The following NAALADL2 variants were observed in gnomAD, a reference collection of about 807,000 sequenced individuals.
NAALADL2 encodes inactive N-acetylated-alpha-linked acidic dipeptidase-like protein 2.
In NAALADL2, 76 loss-of-function variants were observed where a neutral mutation model predicts 87.2. That is an observed-to-expected ratio of 0.87 (90% CI 0.72 to 1.05). The LOEUF (loss-of-function observed/expected upper bound fraction) is 1.05. NAALADL2 is among the 50% of genes least tolerant of loss of function. The pLI is 0.00. For missense variants in NAALADL2, 1,089 were observed against 945.8 expected (o/e 1.15, Z -1.99); for synonymous variants, 354 against 331.0 (o/e 1.07, Z -0.75).
intron 8 of NAALADL2, among the ~76,000 whole-genome samples, chr3:175,467,598 T>C (rs1724276336): frequency 6.6e-6 from 1 of 152,222 alleles, no homozygotes; most frequent in South Asian, 2.1e-4. Flanking sequence ...GCCTTAGCAT[T>C]ATATTTTCTC....
chr3:175,257,648 A>T (rs1371230930), intron 4 of NAALADL2, among the ~76,000 whole-genome samples: 1 of 152,192 alleles, frequency 6.6e-6, no homozygotes, highest in Non-Finnish European at 1.5e-5. Flanking sequence ...ACAAAATATT[A>T]GAAATGATAT....
chr3:174,972,323 CA>C (rs1743794872), intron 1 of NAALADL2, among the ~76,000 whole-genome samples: 1 of 152,164 alleles, frequency 6.6e-6, no homozygotes, highest in Non-Finnish European at 1.5e-5. Context: ...GCTGCCATAA[CA>C]AAAACCATTG....
intron 11 of NAALADL2, among the ~76,000 whole-genome samples, chr3:175,679,827 T>G (rs558167094): frequency 2.0e-5 from 3 of 152,220 alleles, no homozygotes; most frequent in African/African-American, 7.2e-5. Context: ...AGAGACTCAA[T>G]CTGAGCAAAA....
intron 9 of NAALADL2, among the ~76,000 whole-genome samples, chr3:175,504,563 G>GTT (rs1560667697): frequency 1.7e-5 from 1 of 59,720 alleles, no homozygotes; most frequent in South Asian, 5.6e-4. Flanking sequence ...GTCTCTCTCT[G>GTT]TTTCTCTCTC....
intron 3 of NAALADL2, among the ~76,000 whole-genome samples, chr3:174,812,511 A>C (rs1252163856): frequency 6.6e-6 from 1 of 152,226 alleles, no homozygotes; most frequent in Non-Finnish European, 1.5e-5. Flanking sequence ...TTAATATACT[A>C]TACTTTTTAT....
At chr3:175,167,202 G>A (rs1734128242) in intron 2 of NAALADL2, among the ~76,000 whole-genome samples, 2 of 152,016 alleles carry the variant, frequency 1.3e-5, no homozygotes, top group Non-Finnish European at 2.9e-5. Flanking sequence ...ATTGTAGCAG[G>A]AAAGCAGTCA....
chr3:175,533,996 G>A (rs192392238), intron 9 of NAALADL2, among the ~76,000 whole-genome samples: 230 of 149,834 alleles, frequency 1.5e-3, no homozygotes, highest in African/African-American at 5.6e-3. Context: ...TGCCTCTCAT[G>A]AGCAGTGAAT....
chr3:175,360,335 C>T (rs1310505740), intron 5 of NAALADL2, among the ~76,000 whole-genome samples: 1 of 152,064 alleles, frequency 6.6e-6, no homozygotes, highest in Admixed American at 6.6e-5. Flanking sequence ...TCTCTAAATG[C>T]CTACAAATAT....
rs996117560 is a variant in NAALADL2, at chr3:175,362,640, C to G, written c.1090+38315C>G. Among the ~76,000 whole-genome samples, 44 of 148,240 alleles carry G rather than the reference C, an allele frequency of 3.0e-4. 5 individuals are homozygous for G. Among genetic ancestry groups the G allele is most frequent in the African/African-American group, 1.0e-3 (42 of 40,750 alleles). On this transcript the variant is annotated intron_variant, in intron 5 of 13. Transcript: ENST00000454872. ...CAATTGCAAATTTTACTGCTATAAACATGCATGTTGAAGAATCTATTTCAT... is the reference window on the plus strand; with the variant it reads ...CAATTGCAAATTTTACTGCTATAAAGATGCATGTTGAAGAATCTATTTCAT...
At chr3:174,935,870 T>C (rs1021051897) in intron 1 of NAALADL2, among the ~76,000 whole-genome samples, 3 of 152,164 alleles carry the variant, frequency 2.0e-5, no homozygotes, top group African/African-American at 7.2e-5. Context: ...GAAAGTGTGA[T>C]AAGTCTAGCA....
rs149455795 is a variant in NAALADL2 at position 175,307,337 on chromosome 3, G to A, written c.940-16838G>A. Among the ~76,000 whole-genome samples, 5 of 152,110 alleles carry A rather than the reference G, an allele frequency of 3.3e-5. No homozygotes were observed. In the East Asian group the frequency reaches 9.7e-4, roughly 29 times the overall value. On this transcript the variant is annotated intron_variant, in intron 4 of 13. Coordinates refer to ENST00000454872, the MANE Select transcript of NAALADL2 (RefSeq NM_207015.3). ...TTCAATTAGAAAAATAAATTATAGTGAAATATAATAGTATTTCTATACCTG... is the reference window on the plus strand; with the variant it reads ...TTCAATTAGAAAAATAAATTATAGTAAAATATAATAGTATTTCTATACCTG...
chr3:175,172,335 G>T (rs976197489), intron 2 of NAALADL2, among the ~76,000 whole-genome samples: 5 of 152,020 alleles, frequency 3.3e-5, no homozygotes, highest in African/African-American at 1.2e-4. Context: ...TCCAACAACT[G>T]CTCTTACTAT....
At chr3:175,602,773 C>G (rs939246485) in intron 10 of NAALADL2, among the ~76,000 whole-genome samples, 2 of 152,070 alleles carry the variant, frequency 1.3e-5, no homozygotes, top group African/African-American at 4.8e-5. Flanking sequence ...TAGACTAAAG[C>G]CAATTATGAA....
At chr3:174,632,737 C>A (rs1354507819) in intron 2 of NAALADL2, among the ~76,000 whole-genome samples, 3 of 151,830 alleles carry the variant, frequency 2.0e-5, no homozygotes, top group African/African-American at 4.8e-5. Flanking sequence ...AGATCGAGAC[C>A]ATCCTGGTCA....
At chr3:174,851,211 G>C (rs1399681040) in intron 3 of NAALADL2, among the ~76,000 whole-genome samples, 3 of 151,670 alleles carry the variant, frequency 2.0e-5, no homozygotes, top group African/African-American at 7.3e-5. Flanking sequence ...AGAAATGCAA[G>C]GGCAACCAAA....
intron 4 of NAALADL2, among the ~76,000 whole-genome samples, chr3:175,295,105 A>G (rs969326158): frequency 1.3e-5 from 2 of 152,178 alleles, no homozygotes; most frequent in African/African-American, 2.4e-5. Flanking sequence ...ATGGCACAGA[A>G]TGTGTCTAGT....
chr3:174,777,397 A>C (rs1177152872), intron 3 of NAALADL2, among the ~76,000 whole-genome samples: 1 of 152,146 alleles, frequency 6.6e-6, no homozygotes, highest in African/African-American at 2.4e-5. Flanking sequence ...AAGTTTGAAA[A>C]TATTTTAAAA....
At chr3:175,199,281 A>G (rs756736719) in intron 2 of NAALADL2, among the ~76,000 whole-genome samples, 1 of 152,160 alleles carries the variant, frequency 6.6e-6, no homozygotes, top group Non-Finnish European at 1.5e-5. Context: ...GTTGAATTGT[A>G]GTTAGACATG....
chr3:174,586,842 T>G (rs556073529), intron 2 of NAALADL2, among the ~76,000 whole-genome samples: 24 of 152,310 alleles, frequency 1.6e-4, no homozygotes, highest in African/African-American at 5.3e-4. Flanking sequence ...GATTTTTTTT[T>G]TATTATTATA....
Sources: allele counts gnomAD v4.1 joint callset (sites outside exome capture counted in the v4.1 genomes callset), GRCh38; gene constraint gnomAD v4.1.1; transcripts MANE v1.5; gene names NCBI Gene and HGNC (gene_info 2026-07-23, HGNC 2026-07-21).